CFH: variants seen among roughly 807,000 people sequenced by gnomAD.
CFH encodes the protein H factor 1 (complement).
A neutral mutation model predicts 147.3 loss-of-function variants in CFH; 53 were observed. That is an observed-to-expected ratio of 0.36 (90% CI 0.29 to 0.45). The LOEUF (loss-of-function observed/expected upper bound fraction) is 0.45, where lower values mean the gene tolerates loss of function less well. Ranked by LOEUF, CFH falls within the 20% of genes least tolerant of loss-of-function variation. CFH has a pLI of 1.00. For synonymous variants in CFH, 536 were observed against 489.4 expected (o/e 1.10, Z -1.26); for missense variants, 1,380 against 1,498.0 (o/e 0.92, Z 1.30).
chr1:196,701,038 C>T (rs550691810), intron 9 of CFH, among the ~76,000 whole-genome samples: 19 of 152,222 alleles, frequency 1.2e-4, no homozygotes, highest in Admixed American at 1.1e-3. Flanking sequence ...GGAGATCTCC[C>T]TTCAGATGGA....
chr1:196,715,183 A>C (rs6677089), intron 10 of CFH, among the ~76,000 whole-genome samples: 69,576 of 151,496 alleles, frequency 0.46, 16,314 homozygotes, highest in South Asian at 0.56. Flanking sequence ...AGGAATTTAT[A>C]TTTTCAGTCT....
At chr1:196,704,266 T>C (rs1461124445) in intron 9 of CFH, among the ~76,000 whole-genome samples, 1 of 151,986 alleles carries the variant, frequency 6.6e-6, no homozygotes, top group Non-Finnish European at 1.5e-5. Context: ...AGCTAATTTT[T>C]ATATTTTTAG....
intron 19 of CFH, among the ~76,000 whole-genome samples, chr1:196,742,285 A>T (rs1374273732): frequency 6.6e-6 from 1 of 152,194 alleles, no homozygotes; most frequent in Non-Finnish European, 1.5e-5. Flanking sequence ...CTGAGGCAGG[A>T]GAATCGCTTG....
At chr1:196,742,578 C>A (rs576313393) in intron 19 of CFH, among the ~76,000 whole-genome samples, 28 of 152,064 alleles carry the variant, frequency 1.8e-4, no homozygotes, top group Non-Finnish European at 3.7e-4. Flanking sequence ...CTCAATAGTT[C>A]TCAAAGTGTG....
chr1:196,731,836 G>A (rs1466156772), intron 15 of CFH, among the ~76,000 whole-genome samples: 5 of 151,780 alleles, frequency 3.3e-5, no homozygotes, highest in Non-Finnish European at 7.4e-5. Context: ...GGCCTGCAAG[G>A]TTTCTGTTGA....
Position 196,743,529 on chromosome 1 carries a change from G to A in CFH, c.3211G>A (p.Glu1071Lys), listed in dbSNP as rs149230420. 8 of 1,613,946 alleles carry A rather than the reference G, an allele frequency of 5.0e-6. No individual in the cohort carries two copies. In the African/African-American group the frequency reaches 9.3e-5, roughly 19 times the overall value. ...ACAGATGAGTAAATATCCATCTGGTGAGAGAGTACGTTATCAATGTAGGAG... is the reference window on the plus strand; with the variant it reads ...ACAGATGAGTAAATATCCATCTGGTAAGAGAGTACGTTATCAATGTAGGAG... ...SRQMSKYPSG[E>K]RVRYQCRSPY... is the part of the protein sequence containing the mutation. Residue 1071 changes from glutamate (E) to lysine (K), a missense_variant, in exon 20 of 22, where the codon GAG (glutamate) becomes AAG (lysine). Physicochemically the swap from Glu to Lys is moderately conservative, Grantham distance 56. Around this residue, in one of 4 missense-constraint regions of CFH, gnomAD observed 830 missense variants for 821.4 expected, o/e 1.01. Transcript: ENST00000367429.
chr1:196,690,266 C>A (rs766661952), intron 9 of CFH, 27 bp downstream of exon 9: 13 of 1,611,588 alleles, frequency 8.1e-6, no homozygotes, highest in Non-Finnish European at 1.1e-5. Flanking sequence ...GAAATCCTAG[C>A]ATGTTCATGT....
intron 6 of CFH, among the ~76,000 whole-genome samples, chr1:196,681,138 C>G (rs529596749): frequency 6.6e-6 from 1 of 151,782 alleles, no homozygotes; most frequent in Admixed American, 6.6e-5. Flanking sequence ...TGAATTTATC[C>G]ATGCAGTAAT....
At chr1:196,709,426 T>C (rs1486774419) in intron 9 of CFH, among the ~76,000 whole-genome samples, 2 of 152,146 alleles carry the variant, frequency 1.3e-5, no homozygotes, top group Non-Finnish European at 2.9e-5. Context: ...ATCCTGACTC[T>C]CTCTCTGTGC....
chr1:196,660,334 G>C (rs2149069272), intron 1 of CFH, among the ~76,000 whole-genome samples: 1 of 152,358 alleles, frequency 6.6e-6, no homozygotes, highest in African/African-American at 2.4e-5. Flanking sequence ...TGAGATCCGA[G>C]AAAGTGGCAA....
chr1:196,745,667 G>A, intron 20 of CFH, 150 bp from the exon 21 acceptor site: 2 of 1,030,834 alleles, frequency 1.9e-6, no homozygotes, highest in Non-Finnish European at 3.0e-6. Flanking sequence ...CAGTTTAAAG[G>A]GTTAAAATTT....
Position 196,740,797 on chromosome 1 carries a change from G to T in CFH, c.2956+5G>T. On this transcript the variant is annotated splice_donor_5th_base_variant and intron_variant, in intron 18 of 21. Transcript: ENST00000367429. ...CTCACCCTCCATCATGCATAAGTAT[G>T]GTGCATTGAATTTTATTATATGTAT... 6.2e-7 allele frequency: 1 copy of T among 1,613,340 alleles called. No homozygotes were observed. Among genetic ancestry groups the T allele is most frequent in the East Asian group, 2.2e-5 (1 of 44,822 alleles).
chr1:196,715,704 C>T lies in CFH; in HGVS notation c.1631C>T (p.Thr544Ile), dbSNP rs1022669686. 1.2e-6 allele frequency: 2 copies of T among 1,612,904 alleles called. No individual in the cohort carries two copies. Among genetic ancestry groups the T allele is most frequent in the Admixed American group, 1.7e-5 (1 of 59,910 alleles). The stretch of plus-strand genomic sequence containing the variant: ...TGCCATGATGGTTATGAAAGCAATA[C>T]TGGAAGCACCACTGGTTCCATAGTG... The part of the protein sequence containing the change: ...YECHDGYESN[T>I]GSTTGSIVCG... The change falls in exon 11 of 22, where the codon ACT becomes ATT. Residue 544 changes from threonine to isoleucine, a missense_variant. Physicochemically the swap from Thr to Ile is moderately conservative, Grantham distance 89. Transcript: ENST00000367429.
rs1371716199 is a variant in CFH, at chr1:196,747,500, A to G, written c.*187A>G. On this transcript the variant is annotated 3_prime_UTR_variant, in exon 22 of 22. Coordinates refer to ENST00000367429, the MANE Select transcript of CFH (RefSeq NM_000186.4). ...AAAGCACCATATTAAATCCTGGAAA[A>G]CTAACGGTTGTGTCCAGTTCATAAA... 2.4e-6 allele frequency: 2 copies of G among 836,376 alleles called. No individual in the cohort carries two copies. The highest frequency in any genetic ancestry group is 3.8e-6 in the Non-Finnish European group (2 of 530,400). The allele number at this position is 836,376 out of a possible 1,614,324, so 51.8% of individuals were successfully genotyped here. A position where few individuals can be genotyped will look rare whatever the true frequency, so the allele number is the denominator to read the frequency against.
At chr1:196,746,137 G>C in intron 21 of CFH, 138 bp downstream of exon 21, 1 of 1,515,742 alleles carries the variant, frequency 6.6e-7, no homozygotes, top group Non-Finnish European at 9.0e-7. Flanking sequence ...CTGTCAGAAA[G>C]TAAAGTTTAG....
At chr1:196,689,713 A>C (rs1667958737) in intron 8 of CFH, 99 bp downstream of exon 8, 1 of 1,322,398 alleles carries the variant, frequency 7.6e-7, no homozygotes, top group South Asian at 1.2e-5. Flanking sequence ...TGTAACAGAA[A>C]TAGGGCCAAG....
At chr1:196,726,690 C>G in intron 13 of CFH, 38 bp downstream of exon 13, 1 of 1,606,902 alleles carries the variant, frequency 6.2e-7, no homozygotes, top group Non-Finnish European at 8.5e-7. Flanking sequence ...CTTGTCAAAA[C>G]TTTTGTATTT....
chr1:196,672,924 A>G (rs550027371), intron 1 of CFH, 54 bp from the exon 2 acceptor site: 3 of 1,450,776 alleles, frequency 2.1e-6, no homozygotes, highest in Non-Finnish European at 2.9e-6. Flanking sequence ...ACCTAAATAT[A>G]CTGTACATTT....
chr1:196,674,218 A>G (rs1044531823), intron 3 of CFH, among the ~76,000 whole-genome samples: 4 of 152,168 alleles, frequency 2.6e-5, no homozygotes, highest in African/African-American at 9.7e-5. Context: ...GTATGCACAT[A>G]TATAAGTATT....
Sources: allele counts gnomAD v4.1 joint callset (sites outside exome capture counted in the v4.1 genomes callset), GRCh38; gene constraint gnomAD v4.1.1; regional missense constraint gnomAD v4.1.1; transcripts MANE v1.5; gene names NCBI Gene and HGNC (gene_info 2026-07-23, HGNC 2026-07-21).